DGKI: variants seen among roughly 807,000 people sequenced by gnomAD.
DGKI encodes the protein diacylglycerol kinase iota, also known as DAG kinase iota.
Under a neutral mutation model 147.5 loss-of-function variants are expected in DGKI, and 55 were observed. The ratio of observed to expected loss-of-function variants is 0.37; its 90% confidence interval spans 0.30 to 0.47. DGKI has a LOEUF of 0.47. Ranked by LOEUF, DGKI falls within the 20% of genes least tolerant of loss-of-function variation. DGKI has a pLI of 1.00. For synonymous variants in DGKI, 469 were observed against 477.1 expected, an observed-to-expected ratio of 0.98 and a Z score of 0.22; for missense variants, 1,007 against 1,323.8, an observed-to-expected ratio of 0.76 and a Z score of 3.71.
chr7:137,753,334 G>C (rs1287513727), intron 1 of DGKI, among the ~76,000 whole-genome samples: 1 of 152,202 alleles, frequency 6.6e-6, no homozygotes, highest in Non-Finnish European at 1.5e-5. Context: ...AAGTGGATTA[G>C]CCTGGCAGAC....
intron 8 of DGKI, among the ~76,000 whole-genome samples, chr7:137,615,597 C>T (rs1820505691): frequency 6.6e-6 from 1 of 150,378 alleles, no homozygotes; most frequent in African/African-American, 2.5e-5. Context: ...AAACATTTTA[C>T]TCTGCTATTC....
chr7:137,780,655 TG>T (rs1451266716), intron 1 of DGKI, among the ~76,000 whole-genome samples: 3 of 152,310 alleles, frequency 2.0e-5, no homozygotes, highest in Admixed American at 1.3e-4. Flanking sequence ...TTTTTCTAAA[TG>T]GGGGTAGAAA....
At chr7:137,453,664 C>T (rs970024127) in intron 27 of DGKI, among the ~76,000 whole-genome samples, 3 of 152,128 alleles carry the variant, frequency 2.0e-5, no homozygotes, top group Non-Finnish European at 2.9e-5. Flanking sequence ...GCCAAGCAGC[C>T]TCAAAGGTAA....
In DGKI at chr7:137,695,929, C is replaced by T. The variant is rs948591226; in HGVS notation, c.402-5927G>A. Among the ~76,000 whole-genome samples the T allele has an allele frequency of 9.2e-5, 14 of 152,132 alleles. 1 individual carries two copies. Among genetic ancestry groups the T allele is most frequent in the East Asian group, 5.8e-4 (3 of 5,180 alleles). On this transcript the variant is annotated intron_variant, in intron 1 of 32. Coordinates refer to ENST00000614521, the MANE Select transcript of DGKI (RefSeq NM_001321708.2). ...GTCTTTTAGCCTCAGTTTCCTTATA[C>T]GTAAAATAAAAATAGCGCCTAACTC...
chr7:137,537,403 T>C (rs893365083), intron 20 of DGKI, among the ~76,000 whole-genome samples: 1 of 152,122 alleles, frequency 6.6e-6, no homozygotes, highest in African/African-American at 2.4e-5. Flanking sequence ...ATGTTCTGCT[T>C]TTTTTCCCTT....
intron 3 of DGKI, among the ~76,000 whole-genome samples, chr7:137,668,781 T>G (rs1822736390): frequency 1.3e-5 from 2 of 152,188 alleles, no homozygotes; most frequent in African/African-American, 4.8e-5. Context: ...CTAGGCTAGT[T>G]GTTTCACCTC....
chr7:137,634,781 A>T (rs1338753310), intron 6 of DGKI, among the ~76,000 whole-genome samples: 1 of 152,214 alleles, frequency 6.6e-6, no homozygotes, highest in Non-Finnish European at 1.5e-5. Context: ...AACTTGGTAT[A>T]TACGTCCAGG....
chr7:137,608,594 T>A (rs1413243914), intron 10 of DGKI, among the ~76,000 whole-genome samples: 2 of 152,094 alleles, frequency 1.3e-5, no homozygotes, highest in African/African-American at 4.8e-5. Context: ...TAAATTGCAA[T>A]AGAAAGAAAT....
intron 17 of DGKI, among the ~76,000 whole-genome samples, chr7:137,574,614 T>C (rs1011507802): frequency 3.3e-5 from 5 of 152,238 alleles, no homozygotes; most frequent in Non-Finnish European, 7.3e-5. Context: ...TTACACTGTA[T>C]ACTGCTTTAC....
rs140066625 is a variant in DGKI at position 137,520,977 on chromosome 7, T to G, written c.2248+889A>C. ...ACCATTTGGGGACTGGGTTCGTAAG[T>G]CTTTGGTTCCATATAAAAGTCATTT... On this transcript the variant is annotated intron_variant, in intron 21 of 32. Coordinates refer to ENST00000614521, the MANE Select transcript of DGKI (RefSeq NM_001321708.2). Among the ~76,000 whole-genome samples, 7 of 152,210 alleles carry G rather than the reference T, an allele frequency of 4.6e-5. No homozygotes were observed. The East Asian group carries it at 5.8e-4, about 13-fold the overall frequency.
rs1224472507 is a variant in DGKI, at chr7:137,550,275, ATGAGTAGCTGGGATTACAGCCTCC to A, written c.2147+2070_2147+2093del. On this transcript the variant is annotated intron_variant, in intron 20 of 32. Coordinates refer to ENST00000614521, the MANE Select transcript of DGKI (RefSeq NM_001321708.2). ...CTGCCTTGTGGTCCTAGAGATTCTT[ATGAGTAGCTGGGATTACAGCCTCC>A]TGAGTAGCTGGGATTACAGGCGCAT... 2.0e-5 allele frequency among the ~76,000 whole-genome samples: 3 copies of A among 149,722 alleles called. No individual in the cohort carries two copies. In the East Asian group the frequency reaches 6.0e-4, roughly 30 times the overall value.
intron 1 of DGKI, among the ~76,000 whole-genome samples, chr7:137,730,086 G>A (rs376710528): frequency 5.3e-5 from 8 of 152,064 alleles, no homozygotes; most frequent in Non-Finnish European, 8.8e-5. Context: ...CAGAGCTTTC[G>A]AGCTTTCTCC....
chr7:137,783,112 G>A (rs1251640419), intron 1 of DGKI, among the ~76,000 whole-genome samples: 2 of 152,134 alleles, frequency 1.3e-5, no homozygotes, highest in African/African-American at 2.4e-5. Context: ...ATGAGCAATG[G>A]ATCCAAACCA....
In DGKI at chr7:137,752,650, G is replaced by A. The variant is rs150207286; in HGVS notation, c.402-62648C>T. Among the ~76,000 whole-genome samples the A allele has an allele frequency of 8.8e-3, 1,345 of 152,210 alleles. 17 individuals are homozygous for A. Among genetic ancestry groups the A allele is most frequent in the African/African-American group, 0.031 (1,270 of 41,524 alleles). On this transcript the variant is annotated intron_variant, in intron 1 of 32. Transcript: ENST00000614521. Reference sequence around the variant, plus strand: ...TCCCTGTCCTGTTCTGTTCCATTCTGATTACCAGTGCTTGCAGCCCCCAGT... The same window carrying A: ...TCCCTGTCCTGTTCTGTTCCATTCTAATTACCAGTGCTTGCAGCCCCCAGT...
chr7:137,461,182 T>C (rs576344967), intron 27 of DGKI, among the ~76,000 whole-genome samples: 15 of 152,348 alleles, frequency 9.8e-5, no homozygotes, highest in African/African-American at 2.2e-4. Flanking sequence ...TTTGGGAAGA[T>C]AGTGTAGGAC....
At chr7:137,501,810 G>A (rs1368237885) in intron 21 of DGKI, among the ~76,000 whole-genome samples, 1 of 152,082 alleles carries the variant, frequency 6.6e-6, no homozygotes, top group Non-Finnish European at 1.5e-5. Flanking sequence ...CAGCTGCTTG[G>A]AGCCTGATAT....
chr7:137,800,380 G>A (rs1180629464), intron 1 of DGKI, among the ~76,000 whole-genome samples: 1 of 152,068 alleles, frequency 6.6e-6, no homozygotes, highest in East Asian at 1.9e-4. Flanking sequence ...GCTTGGTGCT[G>A]TCCTCAGGAT....
At chr7:137,521,023 C>T (rs989709156) in intron 21 of DGKI, among the ~76,000 whole-genome samples, 7 of 152,040 alleles carry the variant, frequency 4.6e-5, no homozygotes, top group Admixed American at 4.6e-4. Flanking sequence ...GCATCATTGC[C>T]TATTCCCTTG....
intron 28 of DGKI, among the ~76,000 whole-genome samples, chr7:137,426,260 C>A (rs866440376): frequency 1.3e-5 from 2 of 152,122 alleles, no homozygotes; most frequent in African/African-American, 2.4e-5. Flanking sequence ...TTCTTAAAGA[C>A]AAGAATTTCC....
Sources: gnomAD v4.1 joint callset for allele counts (sites outside exome capture counted in the v4.1 genomes callset) on GRCh38, gnomAD v4.1.1 for gene constraint, MANE v1.5 for transcripts, NCBI Gene and HGNC (gene_info 2026-07-23, HGNC 2026-07-21) for gene names.